CASP6: variants seen among roughly 807,000 people sequenced by gnomAD.
CASP6 encodes the protein caspase 6.
A neutral mutation model predicts 31.8 loss-of-function variants in CASP6; 20 were observed. The observed-to-expected ratio is 0.63, with a 90% CI of 0.44 to 0.91. The LOEUF is 0.91. CASP6 is among the 40% of genes least tolerant of loss of function. CASP6 has a pLI of 0.00. For missense variants in CASP6, 328 were observed against 361.1 expected (o/e 0.91, Z 0.74); for synonymous variants, 130 against 127.8 (o/e 1.02, Z -0.12).
upstream of CASP6, among the ~76,000 whole-genome samples, chr4:109,707,479 C>CG (rs1274642701): frequency 6.6e-6 from 1 of 151,736 alleles, no homozygotes; most frequent in Non-Finnish European, 1.5e-5. Flanking sequence ...CTCTGCCGCC[C>CG]GGGTTCAAGC....
downstream of CASP6, chr4:109,687,649 G>T: frequency 9.3e-7 from 1 of 1,080,912 alleles, no homozygotes; most frequent in Non-Finnish European, 1.4e-6. Context: ...TGCAACTTAG[G>T]ATGTTTTTGA....
the CASP6 span, among the ~76,000 whole-genome samples, chr4:109,665,662 T>G: frequency 3.9e-5 from 6 of 152,182 alleles, no homozygotes; most frequent in Admixed American, 2.0e-4. Flanking sequence ...GTTTTTTCAT[T>G]CATTTTGTTG....
intron 4 of CASP6, among the ~76,000 whole-genome samples, chr4:109,695,216 A>T (rs569787205): frequency 7.2e-5 from 11 of 152,318 alleles, no homozygotes; most frequent in African/African-American, 2.6e-4. Flanking sequence ...TATTTTTTTA[A>T]AAAAATCCAA....
downstream of CASP6, chr4:109,687,512 C>T: frequency 6.2e-7 from 1 of 1,603,832 alleles, no homozygotes; most frequent in Non-Finnish European, 8.5e-7. Flanking sequence ...TTTCCCATGA[C>T]AGGCTAAAGA....
the CASP6 span, among the ~76,000 whole-genome samples, chr4:109,673,493 G>A: frequency 6.6e-6 from 1 of 152,308 alleles, no homozygotes; most frequent in Non-Finnish European, 1.5e-5. Flanking sequence ...TGTAACCTCA[G>A]CTTATGAAAA....
At chr4:109,704,994 C>T (rs1181961771), upstream of CASP6, among the ~76,000 whole-genome samples, 3 of 152,128 alleles carry the variant, frequency 2.0e-5, no homozygotes, top group Non-Finnish European at 2.9e-5. Flanking sequence ...TGTGAGCCAC[C>T]GTGCCCAGCC....
the CASP6 span, among the ~76,000 whole-genome samples, chr4:109,667,235 G>A: frequency 6.6e-6 from 1 of 151,984 alleles, no homozygotes; most frequent in African/African-American, 2.4e-5. Flanking sequence ...TTCTGTTTTG[G>A]AAATTTATTA....
At chr4:109,692,652 GCTC>G (rs1258680624) in intron 5 of CASP6, 2 of 151,988 alleles carry the variant, frequency 1.3e-5, no homozygotes, top group African/African-American at 4.8e-5. Context: ...TTTGTTTTAT[GCTC>G]CTTTTTCAGG....
At chr4:109,666,995 T>C in the CASP6 span, among the ~76,000 whole-genome samples, 1 of 152,194 alleles carries the variant, frequency 6.6e-6, no homozygotes, top group Non-Finnish European at 1.5e-5. Context: ...TTGCTATTAT[T>C]TTGCTGAGGA....
upstream of CASP6, among the ~76,000 whole-genome samples, chr4:109,707,364 A>T (rs906185841): frequency 2.0e-5 from 3 of 150,782 alleles, no homozygotes; most frequent in Non-Finnish European, 4.4e-5. Context: ...CTTGGGCCAA[A>T]GTAAACTGGA....
At chr4:109,706,131 T>TTATATATATA (rs58847180), upstream of CASP6, among the ~76,000 whole-genome samples, 799 of 35,720 alleles carry the variant, frequency 0.022, 8 homozygotes, top group Admixed American at 0.033. Context: ...CCTATCCATT[T>TTATATATATA]TATATATATA....
chr4:109,689,578 T>A lies in CASP6; in HGVS notation c.644-10A>T. 6.2e-7 allele frequency: 1 copy of A among 1,608,946 alleles called. No homozygotes were observed. The highest frequency in any genetic ancestry group is 8.5e-7 in the Non-Finnish European group (1 of 1,175,866). The stretch of plus-strand genomic sequence containing the variant: ...CGGTGAGAATAATATCCTAAAAAAG[T>A]GAGAAGGAAAATGTTGCTGCAGTTT... On this transcript the variant is annotated splice_polypyrimidine_tract_variant and intron_variant, in intron 6 of 6. Transcript: ENST00000265164.
the CASP6 span, among the ~76,000 whole-genome samples, chr4:109,666,099 T>C: frequency 2.6e-5 from 4 of 152,160 alleles, no homozygotes; most frequent in African/African-American, 4.8e-5. Flanking sequence ...CTTAGTAATA[T>C]GCATTTAAGT....
At chr4:109,705,974 TAAAAAAA>T (rs59584573), upstream of CASP6, among the ~76,000 whole-genome samples, 36 of 29,376 alleles carry the variant, frequency 1.2e-3, no homozygotes, top group South Asian at 3.1e-3. Flanking sequence ...AGACACTCTT[TAAAAAAA>T]AAAAAAAAAA....
downstream of CASP6, chr4:109,685,159 G>A (rs1729809513): frequency 4.7e-6 from 3 of 642,366 alleles, no homozygotes; most frequent in South Asian, 4.0e-5. Context: ...GCCTTCTTTT[G>A]CTTTGGTGTT....
chr4:109,696,543 C>T, intron 3 of CASP6, 57 bp from the exon 4 acceptor site: 1 of 1,172,750 alleles, frequency 8.5e-7, no homozygotes, highest in East Asian at 2.4e-5. Context: ...TGTCAAATAC[C>T]CTTACTTTGG....
At chr4:109,666,244 T>G in the CASP6 span, among the ~76,000 whole-genome samples, 1 of 152,222 alleles carries the variant, frequency 6.6e-6, no homozygotes, top group Non-Finnish European at 1.5e-5. Flanking sequence ...CAATTATGAA[T>G]GGAGTTGCTA....
At chr4:109,704,076 T>G (rs1242642906), upstream of CASP6, among the ~76,000 whole-genome samples, 1 of 152,238 alleles carries the variant, frequency 6.6e-6, no homozygotes, top group East Asian at 1.9e-4. Flanking sequence ...GTGTTTGGAC[T>G]GTTCCACCGA....
intron 5 of CASP6, chr4:109,692,003 G>T (rs1174710389): frequency 6.6e-6 from 1 of 152,140 alleles, no homozygotes; most frequent in Non-Finnish European, 1.5e-5. Flanking sequence ...CTTTGTTATG[G>T]TCACCCTATA....
Sources: allele counts gnomAD v4.1 joint callset (sites outside exome capture counted in the v4.1 genomes callset), GRCh38; gene constraint gnomAD v4.1.1; transcripts MANE v1.5; gene names NCBI Gene and HGNC (gene_info 2026-07-23, HGNC 2026-07-21).